Variants in SYNE2 observed in about 807,000 individuals in gnomAD.
SYNE2 encodes spectrin repeat containing nuclear envelope protein 2.
A neutral mutation model predicts 856.3 loss-of-function variants in SYNE2; 431 were observed. That is an observed-to-expected ratio of 0.50 (90% CI 0.47 to 0.55). The LOEUF (loss-of-function observed/expected upper bound fraction) is 0.55, where lower values mean the gene tolerates loss of function less well. Ranked by LOEUF, SYNE2 falls within the 20% of genes least tolerant of loss-of-function variation. SYNE2 has a pLI of 0.00. For synonymous variants in SYNE2, 2,923 were observed against 2,872.3 expected (o/e 1.02, Z -0.56); for missense variants, 8,129 against 8,023.2 (o/e 1.01, Z -0.50).
intron 32 of SYNE2, among the ~76,000 whole-genome samples, chr14:64,016,136 T>G (rs2096890176): frequency 6.6e-6 from 1 of 152,084 alleles, no homozygotes; most frequent in Non-Finnish European, 1.5e-5. Context: ...AGGGACTTTT[T>G]TTTTTAATGC....
chr14:64,094,874 A>G lies in SYNE2; in HGVS notation c.12108+1394A>G, dbSNP rs1183270159. ...AACCCACTACATATTAATAGGAATA[A>G]CTATTTTTATTTTCTTTTTTTTAGA... On this transcript the variant is annotated intron_variant, in intron 61 of 115. Transcript: ENST00000555002. 3 of 164,566 alleles carry G rather than the reference A, an allele frequency of 1.8e-5. No individual in the cohort carries two copies. In the East Asian group the frequency reaches 5.8e-4, roughly 32 times the overall value. 10.2% of individuals were successfully genotyped at this position (164,566 alleles called of 1,614,324 possible). A position where few individuals can be genotyped will look rare whatever the true frequency, so the allele number is the denominator to read the frequency against.
intron 99 of SYNE2, chr14:64,202,282 G>A: frequency 1.4e-6 from 1 of 702,340 alleles, no homozygotes; most frequent in Non-Finnish European, 2.6e-6. Flanking sequence ...CTTGGCACAT[G>A]TTCTCTGCTT....
intron 1 of SYNE2, among the ~76,000 whole-genome samples, chr14:63,814,517 CA>C (rs372324694): frequency 4.9e-5 from 5 of 101,962 alleles, no homozygotes; most frequent in Non-Finnish European, 2.0e-5. Flanking sequence ...TATATATATC[CA>C]TTATATATAT....
intron 44 of SYNE2, among the ~76,000 whole-genome samples, chr14:64,030,813 T>C (rs1335534317): frequency 6.6e-6 from 1 of 152,236 alleles, no homozygotes; most frequent in Non-Finnish European, 1.5e-5. Context: ...GCAAACATTT[T>C]AGTATCTTAA....
intron 13 of SYNE2, among the ~76,000 whole-genome samples, chr14:63,978,273 G>A (rs551924265): frequency 1.2e-4 from 18 of 152,212 alleles, no homozygotes; most frequent in African/African-American, 4.3e-4. Flanking sequence ...TTGGTTTTGG[G>A]TAAGTTACTC....
chr14:64,159,328 C>T lies in SYNE2; in HGVS notation c.15980C>T (p.Ala5327Val). 6.2e-7 allele frequency: 1 copy of T among 1,613,900 alleles called. No individual in the cohort carries two copies. The highest frequency in any genetic ancestry group is 1.3e-5 in the African/African-American group (1 of 75,020). ...GTCTCTTAGTCTCTGCAAGATGAAG[C>T]TGAGAGCAGTGAAGGGAGTTGGGAG... ...VENLQSLQDE[A>V]ESSEGSWEKL... The change falls in exon 87 of 116, where the codon GCT becomes GTT. Residue 5327 changes from alanine (A) to valine (V), a missense_variant. By Grantham distance (64) the Ala-to-Val change is moderately conservative. Coordinates refer to ENST00000555002, the MANE Select transcript of SYNE2 (RefSeq NM_182914.3).
intron 84 of SYNE2, among the ~76,000 whole-genome samples, chr14:64,150,853 G>A (rs1016436274): frequency 6.6e-6 from 1 of 152,182 alleles, no homozygotes; most frequent in Non-Finnish European, 1.5e-5. Flanking sequence ...GGCAGAGATG[G>A]ACAGAGGTAG....
intron 1 of SYNE2, among the ~76,000 whole-genome samples, chr14:63,804,261 G>A (rs1001081923): frequency 2.6e-5 from 4 of 152,098 alleles, no homozygotes; most frequent in Admixed American, 2.6e-4. Context: ...ATAGGTTCTG[G>A]ATATTAGAAC....
intron 96 of SYNE2, among the ~76,000 whole-genome samples, chr14:64,179,273 A>G (rs2098447873): frequency 6.6e-6 from 1 of 152,106 alleles, no homozygotes; most frequent in Admixed American, 6.5e-5. Flanking sequence ...AGTAGCTGGG[A>G]TTACAGGCAT....
At chr14:63,918,512 A>G (rs1335308611) in intron 2 of SYNE2, among the ~76,000 whole-genome samples, 2 of 152,228 alleles carry the variant, frequency 1.3e-5, no homozygotes, top group Admixed American at 6.5e-5. Context: ...TTTATCAGAG[A>G]TGGAATGTCT....
At chr14:63,981,261 CAG>C in intron 16 of SYNE2, 88 bp downstream of exon 16, 1 of 1,191,090 alleles carries the variant, frequency 8.4e-7, no homozygotes. Context: ...GATGAGAAAA[CAG>C]AGAAGAGTAC....
At chr14:64,183,447 G>T (rs1293936021) in intron 96 of SYNE2, among the ~76,000 whole-genome samples, 3 of 151,894 alleles carry the variant, frequency 2.0e-5, no homozygotes, top group African/African-American at 7.2e-5. Flanking sequence ...CAGCCAGGCA[G>T]AGGGGCTCCT....
At chr14:64,128,348 T>G (rs1339838959) in intron 73 of SYNE2, 104 bp from the exon 74 acceptor site, 1 of 687,876 alleles carries the variant, frequency 1.5e-6, no homozygotes, top group Non-Finnish European at 2.6e-6. Context: ...TTTGTATTTG[T>G]TTGAAATTTC....
At chr14:64,098,314 T>G in intron 62 of SYNE2, 168 bp downstream of exon 62, 1 of 763,600 alleles carries the variant, frequency 1.3e-6, no homozygotes, top group South Asian at 1.5e-5. Context: ...ATATAAATCC[T>G]CAGGGTGTGC....
intron 21 of SYNE2, among the ~76,000 whole-genome samples, chr14:63,992,081 C>T (rs2096671166): frequency 6.6e-6 from 1 of 152,050 alleles, no homozygotes; most frequent in Non-Finnish European, 1.5e-5. Context: ...TTGAATTTTG[C>T]TAGCTGCCAC....
rs201026780 is a variant in SYNE2 at position 63,986,593 on chromosome 14, C to T, written c.2289C>T (p.Asp763=). The change falls in exon 19 of 116, where the codon GAC becomes GAT. Residue 763 remains aspartate (D), a synonymous_variant. Coordinates refer to ENST00000555002, the MANE Select transcript of SYNE2 (RefSeq NM_182914.3). ...AKSVLDQDDV[D]TSMEESLKHL... is the part of the protein sequence containing the mutation. ...CTGTTTTGGATCAAGATGATGTGGA[C>T]ACCTCAATGGAAGAATCTTTGAAGG... 16 of 1,614,068 alleles carry T rather than the reference C, an allele frequency of 9.9e-6. No individual in the cohort carries two copies. The Admixed American group carries it at 2.7e-4, about 27-fold the overall frequency.
At position 64,200,924 on chromosome 14, in the gene SYNE2, A is replaced by G. The variant is rs141411083; in HGVS notation, c.18039-1877A>G. On this transcript the variant is annotated intron_variant, in intron 99 of 115. Transcript: ENST00000555002. ...CTCCAGACCACATGTCCTTCTTCCA[A>G]GCTTGCCCTTGAGAATAAAACACTG... Among the ~76,000 whole-genome samples the G allele has an allele frequency of 1.4e-4, 21 of 152,306 alleles. 1 individual carries two copies. In the South Asian group the frequency reaches 1.9e-3, roughly 14 times the overall value.
At chr14:64,186,670 T>G (rs2098492769) in intron 97 of SYNE2, 91 bp downstream of exon 97, 1 of 1,571,232 alleles carries the variant, frequency 6.4e-7, no homozygotes. Flanking sequence ...TTAATTTCAT[T>G]GAACCGGAGG....
chr14:64,066,221 C>T (rs771889553), intron 51 of SYNE2, among the ~76,000 whole-genome samples: 1 of 152,076 alleles, frequency 6.6e-6, no homozygotes, highest in South Asian at 2.1e-4. Context: ...TAAAGATAGC[C>T]GGGTGCAGTG....
Sources: gnomAD v4.1 joint callset for allele counts (sites outside exome capture counted in the v4.1 genomes callset) on GRCh38, gnomAD v4.1.1 for gene constraint, MANE v1.5 for transcripts, NCBI Gene and HGNC (gene_info 2026-07-23, HGNC 2026-07-21) for gene names.